The following NLGN1 variants were observed in gnomAD, a reference collection of about 807,000 sequenced individuals.
NLGN1 encodes neuroligin-1.
A neutral mutation model predicts 65.5 loss-of-function variants in NLGN1; 12 were observed. The ratio of observed to expected loss-of-function variants is 0.18; its 90% confidence interval spans 0.12 to 0.30. The LOEUF is 0.30. Among genes scored for constraint, NLGN1 ranks in the 10% least tolerant of loss-of-function variants. The pLI is 1.00. For synonymous variants in NLGN1, 350 were observed against 359.5 expected (o/e 0.97, Z 0.30); for missense variants, 750 against 1,007.1 (o/e 0.74, Z 3.46).
chr3:174,200,979 G>A (rs922963226), intron 4 of NLGN1, among the ~76,000 whole-genome samples: 6 of 152,090 alleles, frequency 3.9e-5, no homozygotes, highest in Admixed American at 1.3e-4. Context: ...GTTCACGCCC[G>A]TAATCCCAGC....
intron 3 of NLGN1, among the ~76,000 whole-genome samples, chr3:173,615,072 C>A (rs1009627850): frequency 1.6e-4 from 24 of 151,812 alleles, no homozygotes; most frequent in African/African-American, 5.3e-4. Flanking sequence ...TCTTTGGCCA[C>A]CTCCGCAGTT....
chr3:173,685,195 A>G (rs527544690), intron 3 of NLGN1, among the ~76,000 whole-genome samples: 1 of 152,284 alleles, frequency 6.6e-6, no homozygotes, highest in East Asian at 1.9e-4. Flanking sequence ...AAATCAATTT[A>G]AATAAGTTGC....
intron 3 of NLGN1, among the ~76,000 whole-genome samples, chr3:173,650,463 A>G (rs1324189916): frequency 1.3e-5 from 2 of 152,198 alleles, no homozygotes; most frequent in African/African-American, 4.8e-5. Context: ...TATAGTTTAC[A>G]CTTGCTCCAG....
intron 1 of NLGN1, among the ~76,000 whole-genome samples, chr3:173,431,989 A>T (rs1163014277): frequency 6.6e-6 from 1 of 152,156 alleles, no homozygotes; most frequent in East Asian, 1.9e-4. Flanking sequence ...GGTGGGTAAC[A>T]ATTTCATATT....
chr3:173,833,176 A>C (rs954292176), intron 4 of NLGN1, among the ~76,000 whole-genome samples: 3 of 152,222 alleles, frequency 2.0e-5, no homozygotes, highest in Admixed American at 1.3e-4. Context: ...GGCAAAGTGC[A>C]TTGCAAGAGA....
chr3:173,885,311 A>C (rs921912918), intron 4 of NLGN1, among the ~76,000 whole-genome samples: 1 of 147,536 alleles, frequency 6.8e-6, no homozygotes, highest in Non-Finnish European at 1.5e-5. Flanking sequence ...TTTTTCAAAC[A>C]TATGATATCT....
At chr3:174,108,332 G>C (rs1244927815) in intron 4 of NLGN1, among the ~76,000 whole-genome samples, 6 of 151,884 alleles carry the variant, frequency 4.0e-5, no homozygotes, top group African/African-American at 2.4e-5. Flanking sequence ...TCCTTGCTTG[G>C]TTGCCCCTTT....
At chr3:173,677,267 C>T (rs952820780) in intron 3 of NLGN1, among the ~76,000 whole-genome samples, 1 of 151,982 alleles carries the variant, frequency 6.6e-6, no homozygotes, top group Non-Finnish European at 1.5e-5. Context: ...TCCTGTCTCT[C>T]ACCAGACCCA....
At chr3:173,783,169 A>C (rs1439758369) in intron 3 of NLGN1, among the ~76,000 whole-genome samples, 1 of 152,132 alleles carries the variant, frequency 6.6e-6, no homozygotes, top group Non-Finnish European at 1.5e-5. Flanking sequence ...GATGAGGGAG[A>C]AGCATGATTT....
At chr3:173,551,218 G>A (rs765698256) in intron 2 of NLGN1, among the ~76,000 whole-genome samples, 5 of 149,808 alleles carry the variant, frequency 3.3e-5, no homozygotes, top group Non-Finnish European at 7.4e-5. Context: ...TAATTTTCAG[G>A]ATCTTGCTAA....
At chr3:173,736,802 A>G (rs547945457) in intron 3 of NLGN1, among the ~76,000 whole-genome samples, 2 of 152,164 alleles carry the variant, frequency 1.3e-5, no homozygotes, top group Admixed American at 6.6e-5. Context: ...ATATATTTAT[A>G]TTTTTCATAT....
chr3:173,835,393 A>T (rs1033393466), intron 4 of NLGN1, among the ~76,000 whole-genome samples: 8 of 151,992 alleles, frequency 5.3e-5, no homozygotes, highest in African/African-American at 1.9e-4. Flanking sequence ...AAAACCTTGC[A>T]TTTTCCTGGT....
intron 3 of NLGN1, among the ~76,000 whole-genome samples, chr3:173,709,040 A>G (rs901285356): frequency 6.6e-6 from 1 of 152,236 alleles, no homozygotes; most frequent in Non-Finnish European, 1.5e-5. Flanking sequence ...TGTATGTGAA[A>G]GACACAAAGC....
At position 173,759,080 on chromosome 3, in the gene NLGN1, C is replaced by A. The variant is rs183491787; in HGVS notation, c.494-48600C>A. ...ATCCCACATTTTCTTCCCCCTTTCT[C>A]ACCACCTTCTTTCTCACATGTACCC... On this transcript the variant is annotated intron_variant, in intron 3 of 6. Transcript: ENST00000457714. Among the ~76,000 whole-genome samples the A allele has an allele frequency of 3.2e-4, 49 of 152,048 alleles. 2 individuals are homozygous for A. The East Asian group carries it at 9.5e-3, about 29-fold the overall frequency.
At chr3:173,778,588 GT>G (rs1312967209) in intron 3 of NLGN1, among the ~76,000 whole-genome samples, 2 of 151,630 alleles carry the variant, frequency 1.3e-5, no homozygotes, top group Non-Finnish European at 3.0e-5. Flanking sequence ...GCTTCTTTTT[GT>G]TTTTCTGCTT....
chr3:174,192,270 A>C (rs1244801291), intron 4 of NLGN1, among the ~76,000 whole-genome samples: 1 of 152,198 alleles, frequency 6.6e-6, no homozygotes, highest in Non-Finnish European at 1.5e-5. Flanking sequence ...TATTAAACAT[A>C]AAACTCATTT....
chr3:173,984,772 A>G (rs140577170), intron 4 of NLGN1, among the ~76,000 whole-genome samples: 241 of 152,260 alleles, frequency 1.6e-3, no homozygotes, highest in African/African-American at 5.5e-3. Flanking sequence ...AGCTGGGTGC[A>G]GTGGCTCACA....
chr3:174,167,561 T>TA (rs968818795), intron 4 of NLGN1, among the ~76,000 whole-genome samples: 1 of 151,718 alleles, frequency 6.6e-6, no homozygotes, highest in Admixed American at 6.6e-5. Context: ...GCTGTTACCC[T>TA]AATGGGGTTC....
downstream of NLGN1, among the ~76,000 whole-genome samples, chr3:174,290,760 G>C (rs945588571): frequency 2.0e-5 from 3 of 150,958 alleles, no homozygotes; most frequent in Admixed American, 6.6e-5. Context: ...TAAATACTGG[G>C]AATAAAGGAC....
Sources: gnomAD v4.1 joint callset for allele counts (sites outside exome capture counted in the v4.1 genomes callset) on GRCh38, gnomAD v4.1.1 for gene constraint, MANE v1.5 for transcripts, NCBI Gene and HGNC (gene_info 2026-07-23, HGNC 2026-07-21) for gene names.